Variants in BABAM2 observed in about 807,000 individuals in gnomAD.
The protein encoded by BABAM2 is BRISC and BRCA1 A complex member 2.
Under a neutral mutation model 54.7 loss-of-function variants are expected in BABAM2, and 31 were observed. The ratio of observed to expected loss-of-function variants is 0.57; its 90% CI spans 0.43 to 0.77. BABAM2 has a LOEUF of 0.77. Ranked by LOEUF, BABAM2 falls within the 30% of genes least tolerant of loss-of-function variation. BABAM2 has a pLI of 0.00. For missense variants in BABAM2, 364 were observed against 455.8 expected (o/e 0.80, Z 1.83); for synonymous variants, 167 against 162.9 (o/e 1.03, Z -0.19).
intron 7 of BABAM2, among the ~76,000 whole-genome samples, chr2:28,167,492 C>T (rs995109234): frequency 1.3e-5 from 2 of 151,852 alleles, no homozygotes; most frequent in Admixed American, 6.6e-5. Flanking sequence ...TCAGGAGTTC[C>T]AGACCAGCCT....
intron 6 of BABAM2, among the ~76,000 whole-genome samples, chr2:28,071,772 G>A (rs1664164530): frequency 6.6e-6 from 1 of 152,112 alleles, no homozygotes. Context: ...CTTCCAAGTT[G>A]ACTATTTATG....
intron 6 of BABAM2, among the ~76,000 whole-genome samples, chr2:28,076,138 G>A (rs1336341599): frequency 6.6e-6 from 1 of 151,996 alleles, no homozygotes; most frequent in African/African-American, 2.4e-5. Context: ...AACTGGGCAT[G>A]GTGGCATGCA....
chr2:27,972,625 G>A (rs1671296516), intron 3 of BABAM2, among the ~76,000 whole-genome samples: 2 of 152,118 alleles, frequency 1.3e-5, no homozygotes, highest in South Asian at 4.1e-4. Flanking sequence ...ATACACATCA[G>A]ATGCTAAAGT....
chr2:28,206,175 G>A (rs753544853), intron 7 of BABAM2, among the ~76,000 whole-genome samples: 1 of 152,182 alleles, frequency 6.6e-6, no homozygotes, highest in African/African-American at 2.4e-5. Flanking sequence ...ATATAGACAC[G>A]AATCTATGTT....
chr2:27,984,804 T>G (rs1262593475), intron 3 of BABAM2, among the ~76,000 whole-genome samples: 1 of 152,036 alleles, frequency 6.6e-6, no homozygotes, highest in Non-Finnish European at 1.5e-5. Flanking sequence ...ACCAGAGTAG[T>G]GTAGACTGTA....
At chr2:28,255,235 G>C (rs1683869410) in intron 10 of BABAM2, among the ~76,000 whole-genome samples, 1 of 152,010 alleles carries the variant, frequency 6.6e-6, no homozygotes, top group Admixed American at 6.6e-5. Context: ...TAGAAAATAG[G>C]AGAAAAAGTG....
intron 5 of BABAM2, among the ~76,000 whole-genome samples, chr2:28,037,521 T>G (rs1406916034): frequency 6.6e-6 from 1 of 152,168 alleles, no homozygotes; most frequent in Non-Finnish European, 1.5e-5. Context: ...TAATAAATAA[T>G]CTTGTATATA....
intron 3 of BABAM2, among the ~76,000 whole-genome samples, chr2:27,953,612 A>G (rs1669898938): frequency 1.3e-5 from 2 of 151,684 alleles, no homozygotes; most frequent in South Asian, 4.2e-4. Flanking sequence ...TTTTGATACC[A>G]TCTACATTAA....
intron 2 of BABAM2, among the ~76,000 whole-genome samples, chr2:27,925,031 G>C (rs1012729905): frequency 6.6e-6 from 1 of 152,176 alleles, no homozygotes; most frequent in East Asian, 1.9e-4. Flanking sequence ...CACATTTGTA[G>C]ATTCCTCTCA....
intron 2 of BABAM2, among the ~76,000 whole-genome samples, chr2:27,901,042 C>CAAA (rs553293287): frequency 2.4e-5 from 2 of 83,590 alleles, no homozygotes; most frequent in African/African-American, 4.6e-5. Flanking sequence ...GACTCTGTCT[C>CAAA]AAAAAAAAAA....
At chr2:28,269,845 T>G (rs1685270578) in intron 10 of BABAM2, among the ~76,000 whole-genome samples, 1 of 146,212 alleles carries the variant, frequency 6.8e-6, no homozygotes, top group Non-Finnish European at 1.5e-5. Context: ...GGATTTTTTC[T>G]TGTCATTTTT....
chr2:28,259,905 CT>C (rs35967320), intron 10 of BABAM2, among the ~76,000 whole-genome samples: 35 of 146,446 alleles, frequency 2.4e-4, no homozygotes, highest in African/African-American at 2.8e-4. Context: ...CTTCTGAATT[CT>C]TTTTTTTTTT....
intron 10 of BABAM2, among the ~76,000 whole-genome samples, chr2:28,258,615 C>CTTTTTTTTTTTT (rs70956008): frequency 0.037 from 3,640 of 99,596 alleles, 57 homozygotes; most frequent in Middle Eastern, 0.064. Context: ...TTTTTCTTTT[C>CTTTTTTTTTTTT]TTTTTTTTTT....
At chr2:28,108,064 G>GT (rs1036753595) in intron 6 of BABAM2, among the ~76,000 whole-genome samples, 306 of 148,288 alleles carry the variant, frequency 2.1e-3, no homozygotes, top group African/African-American at 4.5e-3. Context: ...TTGCTGTTCC[G>GT]TTTTTTTTTT....
At chr2:28,335,438 G>A (rs552247134) in intron 11 of BABAM2, among the ~76,000 whole-genome samples, 1 of 152,274 alleles carries the variant, frequency 6.6e-6, no homozygotes, top group East Asian at 1.9e-4. Context: ...CAAAAGTGCT[G>A]GGATTACAGG....
At chr2:28,076,587 C>G (rs1484138941) in intron 6 of BABAM2, among the ~76,000 whole-genome samples, 1 of 152,024 alleles carries the variant, frequency 6.6e-6, no homozygotes, top group African/African-American at 2.4e-5. Context: ...GCTCTGCCTC[C>G]CGGGTTCGTG....
chr2:27,960,140 A>AT (rs906097511), intron 3 of BABAM2, among the ~76,000 whole-genome samples: 4 of 151,704 alleles, frequency 2.6e-5, no homozygotes, highest in South Asian at 4.2e-4. Context: ...CCTTCATACC[A>AT]TTTTTTTTAC....
chr2:28,077,355 T>G (rs918655300), intron 6 of BABAM2, among the ~76,000 whole-genome samples: 4 of 152,162 alleles, frequency 2.6e-5, no homozygotes, highest in Non-Finnish European at 4.4e-5. Context: ...TTTTATGGAG[T>G]CTGTAAGCTG....
chr2:28,011,566 G>T (rs1199496584), intron 4 of BABAM2, among the ~76,000 whole-genome samples: 3 of 152,144 alleles, frequency 2.0e-5, no homozygotes, highest in African/African-American at 7.2e-5. Flanking sequence ...AGTCCAGGGA[G>T]CTCAGCTAAG....
Sources: gnomAD v4.1 joint callset for allele counts (sites outside exome capture counted in the v4.1 genomes callset) on GRCh38, gnomAD v4.1.1 for gene constraint, MANE v1.5 for transcripts, NCBI Gene and HGNC (gene_info 2026-07-23, HGNC 2026-07-21) for gene names.